The following CACNA1I variants were observed in gnomAD, a reference collection of about 807,000 sequenced individuals.
CACNA1I encodes the protein calcium voltage-gated channel subunit alpha1 I, also known as voltage-dependent T-type calcium channel subunit alpha-1I.
In CACNA1I, 74 loss-of-function variants were observed where a neutral mutation model predicts 201.6. That is an observed-to-expected ratio of 0.37 (90% CI 0.30 to 0.45). The LOEUF is 0.45. Among genes scored for constraint, CACNA1I ranks in the 20% least tolerant of loss-of-function variants. CACNA1I has a pLI of 1.00. For synonymous variants in CACNA1I, 1,431 were observed against 1,345.2 expected, an observed-to-expected ratio of 1.06 and a Z score of -1.40; for missense variants, 2,346 against 3,138.1, an observed-to-expected ratio of 0.75 and a Z score of 6.03.
intron 4 of CACNA1I, among the ~76,000 whole-genome samples, chr22:39,626,472 T>G (rs1049506473): frequency 2.0e-5 from 3 of 152,082 alleles, no homozygotes; most frequent in Non-Finnish European, 2.9e-5. Context: ...GATTGGCATG[T>G]GCAAAGGTGG....
At chr22:39,678,248 G>T in intron 31 of CACNA1I, 140 bp downstream of exon 31, 2 of 981,346 alleles carry the variant, frequency 2.0e-6, no homozygotes, top group South Asian at 1.6e-5. Context: ...GAGTGGAGGG[G>T]CCTGCCCAGG....
At chr22:39,647,023 A>G in intron 8 of CACNA1I, 142 bp downstream of exon 8, 1 of 1,316,910 alleles carries the variant, frequency 7.6e-7, no homozygotes, top group South Asian at 1.6e-5. Flanking sequence ...GCCCCCAGGG[A>G]CCTCTGTCCC....
intron 1 of CACNA1I, among the ~76,000 whole-genome samples, chr22:39,571,519 G>T (rs1213926129): frequency 6.6e-6 from 1 of 152,124 alleles, no homozygotes; most frequent in Non-Finnish European, 1.5e-5. Flanking sequence ...GTCATGATTT[G>T]CTATGGTCCT....
chr22:39,670,281 G>C, intron 25 of CACNA1I, 51 bp downstream of exon 25: 12 of 1,567,298 alleles, frequency 7.7e-6, no homozygotes, highest in Non-Finnish European at 1.0e-5. Context: ...AAGCCCTTCT[G>C]CCTGGGCCTG....
chr22:39,609,927 G>T (rs1933337430), intron 3 of CACNA1I, among the ~76,000 whole-genome samples: 1 of 152,170 alleles, frequency 6.6e-6, no homozygotes, highest in Non-Finnish European at 1.5e-5. Context: ...GCAGGGCTCT[G>T]TTGAGATCTC....
chr22:39,588,885 T>C (rs1932790239), intron 1 of CACNA1I, among the ~76,000 whole-genome samples: 1 of 152,224 alleles, frequency 6.6e-6, no homozygotes, highest in Admixed American at 6.5e-5. Flanking sequence ...TTTGCTCTGC[T>C]GCGTCTGGCT....
chr22:39,606,751 T>A (rs900721340), intron 3 of CACNA1I, among the ~76,000 whole-genome samples: 1 of 152,144 alleles, frequency 6.6e-6, no homozygotes, highest in African/African-American at 2.4e-5. Flanking sequence ...AGATTGGTCT[T>A]GAACTCCTGA....
intron 1 of CACNA1I, 67 bp from the exon 2 acceptor site, chr22:39,598,084 C>A: frequency 1.1e-6 from 1 of 899,738 alleles, no homozygotes; most frequent in South Asian, 1.5e-5. Context: ...GGGTATTACA[C>A]TCTAGGGTGC....
intron 3 of CACNA1I, among the ~76,000 whole-genome samples, chr22:39,611,276 G>A (rs1048208301): frequency 2.0e-5 from 3 of 152,170 alleles, no homozygotes; most frequent in African/African-American, 7.2e-5. Flanking sequence ...TTGCAGATGA[G>A]AAAATGGAGT....
intron 3 of CACNA1I, among the ~76,000 whole-genome samples, chr22:39,617,225 T>C (rs1933565352): frequency 6.6e-6 from 1 of 152,208 alleles, no homozygotes; most frequent in Admixed American, 6.5e-5. Flanking sequence ...CGAGGCTTCA[T>C]GGGGACGGGA....
At chr22:39,617,267 G>A (rs541568712) in intron 3 of CACNA1I, among the ~76,000 whole-genome samples, 4 of 152,320 alleles carry the variant, frequency 2.6e-5, no homozygotes, top group Admixed American at 6.5e-5. Context: ...GCCAGAGCTG[G>A]GCAGGTGTGC....
rs909680 is a variant in CACNA1I at position 39,677,780 on chromosome 22, C to T, written c.4934-207C>T. Among the ~76,000 whole-genome samples, 89,132 of 152,090 alleles carry T rather than the reference C, an allele frequency of 0.59. 29,724 individuals carry two copies. Among genetic ancestry groups the T allele is most frequent in the East Asian group, 1 (5,137 of 5,162 alleles). On this transcript the variant is annotated intron_variant, in intron 30 of 36. Coordinates refer to ENST00000402142, the MANE Select transcript of CACNA1I (RefSeq NM_021096.4). The surrounding 1 kb of genome is among the most constrained non-coding windows in gnomAD (Gnocchi z 4.8). ...TCTTTCTCAGAAACCCATTCTTCGG[C>T]GGGGAGCAGAGCCAGACTCACCCAA...
At chr22:39,589,633 C>T (rs1932799215) in intron 1 of CACNA1I, among the ~76,000 whole-genome samples, 1 of 152,188 alleles carries the variant, frequency 6.6e-6, no homozygotes, top group African/African-American at 2.4e-5. Context: ...GCACAGGCCA[C>T]GTATACAGCA....
chr22:39,570,837 C>G lies in CACNA1I; in HGVS notation c.85C>G (p.Arg29Gly). ...AGTCACCACGGAGCAGCCCGGACCC[C>G]GGAGCCCCCCATCCTCCCCGCCAGG... ...PGVTTEQPGPRSPPSSPPGLE... is the reference protein window; with the variant it reads ...PGVTTEQPGPGSPPSSPPGLE... The change falls in exon 1 of 37, where the codon CGG becomes GGG. Residue 29 changes from arginine (R) to glycine (G), a missense_variant. This residue lies in a region of CACNA1I where 130 missense variants were observed against 160.7 expected (regional missense o/e 0.81). Coordinates refer to ENST00000402142, the MANE Select transcript of CACNA1I (RefSeq NM_021096.4). The G allele has an allele frequency of 6.2e-6, 10 of 1,613,532 alleles. No individual in the cohort carries two copies. The highest frequency in any genetic ancestry group is 8.5e-6 in the Non-Finnish European group (10 of 1,179,748).
At chr22:39,579,261 G>A (rs553739808) in intron 1 of CACNA1I, among the ~76,000 whole-genome samples, 7 of 152,314 alleles carry the variant, frequency 4.6e-5, no homozygotes, top group South Asian at 2.1e-4. Context: ...ACAGGGCAGC[G>A]AGTGCCAACT....
intron 3 of CACNA1I, among the ~76,000 whole-genome samples, chr22:39,619,104 C>T (rs184203805): frequency 1.2e-4 from 19 of 152,322 alleles, no homozygotes; most frequent in Non-Finnish European, 1.0e-4. Flanking sequence ...TTGCCCACAT[C>T]TGTCACCGGC....
intron 31 of CACNA1I, among the ~76,000 whole-genome samples, chr22:39,678,401 C>T (rs918124642): frequency 2.0e-5 from 3 of 152,222 alleles, no homozygotes; most frequent in Admixed American, 6.5e-5. Context: ...CCAGGCAGGC[C>T]TGAAGGCCAG....
At chr22:39,644,417 G>A (rs1166832775) in intron 7 of CACNA1I, among the ~76,000 whole-genome samples, 2 of 152,346 alleles carry the variant, frequency 1.3e-5, no homozygotes, top group African/African-American at 4.8e-5. Context: ...GGCACACAGT[G>A]AGTACTCAGT....
chr22:39,680,909 G>A, intron 33 of CACNA1I, 21 bp from the exon 34 acceptor site: 1 of 1,602,138 alleles, frequency 6.2e-7, no homozygotes, highest in Non-Finnish European at 8.5e-7. Context: ...GGTGACCCGA[G>A]GCCACCCCCT....
Sources: gnomAD v4.1 joint callset for allele counts (sites outside exome capture counted in the v4.1 genomes callset) on GRCh38, gnomAD v4.1.1 for gene constraint, gnomAD v4.1.1 regional missense constraint, Gnocchi (gnomAD v3.1) non-coding constraint, MANE v1.5 for transcripts, NCBI Gene and HGNC (gene_info 2026-07-23, HGNC 2026-07-21) for gene names.